SVIL: variants seen among roughly 807,000 people sequenced by gnomAD.
SVIL encodes the protein supervillin, also known as archvillin.
In SVIL, 101 loss-of-function variants were observed where a neutral mutation model predicts 240.4. The ratio of observed to expected loss-of-function variants is 0.42; its 90% CI spans 0.36 to 0.50. SVIL has a LOEUF of 0.50. Ranked by LOEUF, SVIL falls within the 20% of genes least tolerant of loss-of-function variation. SVIL has a pLI of 0.01. For synonymous variants in SVIL, 999 were observed against 1,100.0 expected (o/e 0.91, Z 1.82); for missense variants, 2,512 against 2,818.7 (o/e 0.89, Z 2.46).
At position 29,465,609 on chromosome 10, in the gene SVIL, C is replaced by G. The variant is rs754824969; in HGVS notation, c.6119G>C (p.Ser2040Thr). The G allele has an allele frequency of 3.1e-6, 5 of 1,613,162 alleles. No individual in the cohort carries two copies. In the South Asian group the frequency reaches 5.5e-5, roughly 18 times the overall value. Residue 2040 changes from serine (S) to threonine (T), a missense_variant, in exon 34 of 38, where the codon AGC (serine) becomes ACC (threonine). Ser to Thr is a moderately conservative substitution (Grantham distance 58, BLOSUM62 1). Around this residue, in one of 3 missense-constraint regions of SVIL, gnomAD observed 797 missense variants for 925.3 expected, o/e 0.86. Coordinates refer to ENST00000355867, the MANE Select transcript of SVIL (RefSeq NM_021738.3). The stretch of plus-strand genomic sequence containing the variant: ...GCAGGCCTTACCTGGCTGGGGCGCG[C>G]TGTACAGATCTTCCTGCAGGAAGGG... ...SMPFLQEDLY[S>T]APQPALFLVD... is the part of the protein sequence containing the mutation.
rs1951294636 is a variant in SVIL, at chr10:29,530,680, C to A, written c.2045-12G>T. Reference sequence around the variant, plus strand: ...CACCTTTTCTTCATCTGCAAAAAGCCACAAATTAAAAACTGGACATCATTA... The same window carrying A: ...CACCTTTTCTTCATCTGCAAAAAGCAACAAATTAAAAACTGGACATCATTA... On this transcript the variant is annotated splice_polypyrimidine_tract_variant and intron_variant, in intron 10 of 37. Coordinates refer to ENST00000355867, the MANE Select transcript of SVIL (RefSeq NM_021738.3). The A allele has an allele frequency of 3.1e-6, 5 of 1,614,094 alleles. No individual in the cohort carries two copies. Among genetic ancestry groups the A allele is most frequent in the Non-Finnish European group, 4.2e-6 (5 of 1,179,984 alleles).
intron 1 of SVIL, among the ~76,000 whole-genome samples, chr10:29,710,754 G>A (rs1354746839): frequency 2.0e-5 from 3 of 152,050 alleles, no homozygotes; most frequent in Non-Finnish European, 2.9e-5. Context: ...ACCAATCATA[G>A]TAAAGACATT....
intron 11 of SVIL, 89 bp downstream of exon 11, chr10:29,530,518 T>C (rs1223854553): frequency 6.8e-7 from 1 of 1,469,242 alleles, no homozygotes; most frequent in African/African-American, 1.4e-5. Context: ...ACTCCTGGCC[T>C]CAAGTGATTC....
At chr10:29,565,946 G>A (rs543931463) in intron 2 of SVIL, among the ~76,000 whole-genome samples, 50 of 152,184 alleles carry the variant, frequency 3.3e-4, no homozygotes, top group African/African-American at 9.4e-4. Context: ...AAAATATGTC[G>A]AATGAATGAA....
Position 29,484,237 on chromosome 10 carries a change from T to C in SVIL, c.4955+419A>G, listed in dbSNP as rs1947176840. On this transcript the variant is annotated intron_variant, in intron 27 of 37. Transcript: ENST00000355867. This position sits in a 1 kb window ranked among gnomAD's most constrained non-coding sequence, Gnocchi z 4.7. ...AATAAATCCTGAAATTCGAGGGCGA[T>C]GCTGGGAAGGTATGAAATTAGAGGG... Among the ~76,000 whole-genome samples, 1 of 152,164 alleles carries C rather than the reference T, an allele frequency of 6.6e-6. No individual in the cohort carries two copies. Among genetic ancestry groups the C allele is most frequent in the African/African-American group, 2.4e-5 (1 of 41,440 alleles).
chr10:29,591,441 G>A (rs1956385573), intron 1 of SVIL, among the ~76,000 whole-genome samples: 1 of 152,174 alleles, frequency 6.6e-6, no homozygotes, highest in Non-Finnish European at 1.5e-5. Context: ...TCAATTGTCT[G>A]TATTATAAGC....
chr10:29,505,021 A>G (rs1949163535), intron 17 of SVIL, among the ~76,000 whole-genome samples: 1 of 152,222 alleles, frequency 6.6e-6, no homozygotes, highest in Admixed American at 6.5e-5. Flanking sequence ...ATACAAAGAA[A>G]AAAGCTTTCA....
At chr10:29,661,192 C>T (rs1959152039) in intron 2 of SVIL, among the ~76,000 whole-genome samples, 1 of 151,076 alleles carries the variant, frequency 6.6e-6, no homozygotes, top group Admixed American at 6.6e-5. Context: ...AAAGCCTGTG[C>T]CTGAAACACT....
chr10:29,676,761 C>A (rs912980460), intron 2 of SVIL, among the ~76,000 whole-genome samples: 1 of 152,314 alleles, frequency 6.6e-6, no homozygotes, highest in East Asian at 1.9e-4. Context: ...CTTGACCACA[C>A]AAAGGGCTAC....
At chr10:29,458,684 C>T in intron 36 of SVIL, 95 bp from the exon 37 acceptor site, 2 of 1,397,324 alleles carry the variant, frequency 1.4e-6, no homozygotes, top group Non-Finnish European at 1.9e-6. Flanking sequence ...GTGCCACCTG[C>T]ATACTGCCTG....
intron 3 of SVIL, among the ~76,000 whole-genome samples, chr10:29,650,766 T>C (rs1958809062): frequency 6.6e-6 from 1 of 152,144 alleles, no homozygotes; most frequent in East Asian, 1.9e-4. Flanking sequence ...CTGGGCAACA[T>C]AGCAAGACTT....
At chr10:29,544,564 G>C (rs1281458819) in intron 6 of SVIL, among the ~76,000 whole-genome samples, 1 of 151,960 alleles carries the variant, frequency 6.6e-6, no homozygotes, top group Non-Finnish European at 1.5e-5. Flanking sequence ...AGACCAGCCT[G>C]GGCAACATTG....
chr10:29,576,201 T>A (rs1398051389), intron 1 of SVIL: 1 of 815,458 alleles, frequency 1.2e-6, no homozygotes, highest in East Asian at 1.2e-4. Context: ...CTCATAAGAA[T>A]GACAATCAGG....
chr10:29,732,858 GTT>G (rs774325305), intron 1 of SVIL, among the ~76,000 whole-genome samples: 1 of 140,124 alleles, frequency 7.1e-6, no homozygotes, highest in Non-Finnish European at 1.6e-5. Flanking sequence ...TTGGGTTTTT[GTT>G]TTTTTTTTTT....
chr10:29,721,072 T>C (rs1253071125), intron 1 of SVIL, among the ~76,000 whole-genome samples: 1 of 152,144 alleles, frequency 6.6e-6, no homozygotes, highest in Non-Finnish European at 1.5e-5. Context: ...GGTCTCAAAC[T>C]CCTGGCCTCA....
chr10:29,542,690 T>C (rs1952272713), intron 6 of SVIL, among the ~76,000 whole-genome samples: 1 of 152,254 alleles, frequency 6.6e-6, no homozygotes, highest in African/African-American at 2.4e-5. Flanking sequence ...GATTATACTT[T>C]TAGTTATTTT....
intron 2 of SVIL, among the ~76,000 whole-genome samples, chr10:29,673,599 G>A (rs1403312642): frequency 1.4e-5 from 2 of 147,572 alleles, no homozygotes; most frequent in Non-Finnish European, 3.0e-5. Flanking sequence ...GAGAGAGAGA[G>A]AGAGAGCTAG....
Position 29,671,281 on chromosome 10 carries a change from T to C in SVIL, c.-300-13213A>G, listed in dbSNP as rs190986287. 1.2e-4 allele frequency among the ~76,000 whole-genome samples: 18 copies of C among 152,344 alleles called. No homozygotes were observed. In the East Asian group the frequency reaches 3.5e-3, roughly 29 times the overall value. ...AGAGAAAAATCTCCTCTTAGTCACG[T>C]AGCCCCGGGATAGATGCCTTCAACA... On this transcript the variant is annotated intron_variant, in intron 2 of 35. Coordinates refer to the SVIL transcript ENST00000375400.
At chr10:29,618,554 C>T (rs898948727) in intron 1 of SVIL, among the ~76,000 whole-genome samples, 1 of 152,154 alleles carries the variant, frequency 6.6e-6, no homozygotes, top group African/African-American at 2.4e-5. Flanking sequence ...CTCTTGACCA[C>T]CTTCAAAGCC....
Sources: gnomAD v4.1 joint callset for allele counts (sites outside exome capture counted in the v4.1 genomes callset) on GRCh38, gnomAD v4.1.1 for gene constraint, gnomAD v4.1.1 regional missense constraint, Gnocchi (gnomAD v3.1) non-coding constraint, MANE v1.5 for transcripts, NCBI Gene and HGNC (gene_info 2026-07-23, HGNC 2026-07-21) for gene names.